SLIT3: variants seen among roughly 807,000 people sequenced by gnomAD.
The protein encoded by SLIT3 is slit guidance ligand 3.
SLIT3 carries 68 observed loss-of-function variants against 184.0 expected under a neutral mutation model. The ratio of observed to expected loss-of-function variants is 0.37; its 90% CI spans 0.30 to 0.45. The LOEUF (loss-of-function observed/expected upper bound fraction) is 0.45, where lower values mean the gene tolerates loss of function less well. Ranked by LOEUF, SLIT3 falls within the 20% of genes least tolerant of loss-of-function variation. The pLI is 1.00. For missense variants in SLIT3, 1,707 were observed against 2,026.0 expected (o/e 0.84, Z 3.02); for synonymous variants, 831 against 828.6 (o/e 1.00, Z -0.05).
intron 19 of SLIT3, 62 bp downstream of exon 19, chr5:168,749,410 T>C: frequency 6.3e-7 from 1 of 1,586,346 alleles, no homozygotes; most frequent in Non-Finnish European, 8.6e-7. Flanking sequence ...ATTGTGCATC[T>C]TCGCCATCTT....
intron 5 of SLIT3, among the ~76,000 whole-genome samples, chr5:168,874,333 C>T (rs925066268): frequency 2.0e-5 from 3 of 152,050 alleles, no homozygotes; most frequent in African/African-American, 7.2e-5. Flanking sequence ...CATGCCCCTT[C>T]ATTCATTCAT....
intron 4 of SLIT3, among the ~76,000 whole-genome samples, chr5:168,949,389 A>T (rs917945600): frequency 2.6e-5 from 4 of 152,196 alleles, no homozygotes; most frequent in Non-Finnish European, 5.9e-5. Context: ...TGTCATACAC[A>T]TGTGGTTCCA....
rs1411419772 is a variant in SLIT3, at chr5:169,011,177, C to T, written c.414-127841G>A. ...AATTGCTTCTGAGTCCCAGCCTGGCCCAGGCTCCAGCATCCCAGAAATGAC... is the reference window on the plus strand; with the variant it reads ...AATTGCTTCTGAGTCCCAGCCTGGCTCAGGCTCCAGCATCCCAGAAATGAC... On this transcript the variant is annotated intron_variant, in intron 4 of 35. Coordinates refer to ENST00000519560, the MANE Select transcript of SLIT3 (RefSeq NM_003062.4). Among the ~76,000 whole-genome samples the T allele has an allele frequency of 1.2e-4, 18 of 152,122 alleles. 2 individuals are homozygous for T. The highest frequency in any genetic ancestry group is 1.2e-3 in the Admixed American group (18 of 15,266).
chr5:168,819,794 C>T (rs1357935958), intron 7 of SLIT3, among the ~76,000 whole-genome samples: 1 of 152,212 alleles, frequency 6.6e-6, no homozygotes, highest in Non-Finnish European at 1.5e-5. Flanking sequence ...CAAGCTATCT[C>T]TCTTCTTAAT....
intron 4 of SLIT3, among the ~76,000 whole-genome samples, chr5:168,902,672 G>A (rs1256459866): frequency 6.6e-6 from 1 of 152,226 alleles, no homozygotes; most frequent in African/African-American, 2.4e-5. Flanking sequence ...AAGCTCTGGG[G>A]TTGGGGCACA....
chr5:169,122,558 A>G lies in SLIT3; in HGVS notation c.413+70921T>C, dbSNP rs970503184. Among the ~76,000 whole-genome samples, 8 of 152,310 alleles carry G rather than the reference A, an allele frequency of 5.3e-5. No homozygotes were observed. In the South Asian group the frequency reaches 1.5e-3, roughly 28 times the overall value. ...CAGGCAGTTCTCTCTGTAAAGCTAT[A>G]TCAGTTTCCCCCCACACAACAAAGG... On this transcript the variant is annotated intron_variant, in intron 4 of 35. Coordinates refer to ENST00000519560, the MANE Select transcript of SLIT3 (RefSeq NM_003062.4).
intron 4 of SLIT3, among the ~76,000 whole-genome samples, chr5:169,088,140 A>G (rs1203751804): frequency 6.6e-6 from 1 of 152,212 alleles, no homozygotes; most frequent in Non-Finnish European, 1.5e-5. Flanking sequence ...GATTCTCTAA[A>G]GTAGGAAACA....
chr5:169,060,950 A>G (rs1243861676), intron 4 of SLIT3, among the ~76,000 whole-genome samples: 3 of 152,170 alleles, frequency 2.0e-5, no homozygotes, highest in Admixed American at 2.0e-4. Flanking sequence ...GTGGGGTCAG[A>G]GTCAACAGGA....
chr5:169,268,672 C>G (rs1256979842), intron 1 of SLIT3, among the ~76,000 whole-genome samples: 1 of 152,166 alleles, frequency 6.6e-6, no homozygotes, highest in Non-Finnish European at 1.5e-5. Context: ...CATTACTACT[C>G]GTGTGTTTTG....
chr5:168,993,080 T>C (rs931903254), intron 4 of SLIT3: 1 of 152,206 alleles, frequency 6.6e-6, no homozygotes, highest in Non-Finnish European at 1.5e-5. Flanking sequence ...TTGGGTCGGC[T>C]CTTTTCAGTT....
At chr5:169,097,991 T>G (rs751826792) in intron 4 of SLIT3, among the ~76,000 whole-genome samples, 1 of 152,164 alleles carries the variant, frequency 6.6e-6, no homozygotes, top group Non-Finnish European at 1.5e-5. Context: ...AAAAAATTTT[T>G]AAAATATACT....
intron 5 of SLIT3, among the ~76,000 whole-genome samples, chr5:168,865,638 T>A (rs1372666630): frequency 6.6e-6 from 1 of 152,208 alleles, no homozygotes; most frequent in African/African-American, 2.4e-5. Flanking sequence ...ACATGGCTAT[T>A]CACTGGTCAA....
intron 4 of SLIT3, among the ~76,000 whole-genome samples, chr5:169,178,927 C>A (rs1192108374): frequency 6.6e-6 from 1 of 152,106 alleles, no homozygotes; most frequent in Non-Finnish European, 1.5e-5. Context: ...TTCTTCGGTG[C>A]AATGTGGGTG....
intron 5 of SLIT3, among the ~76,000 whole-genome samples, chr5:168,872,640 C>CTTTTTTTTTTTTT (rs774066150): frequency 3.6e-5 from 4 of 112,430 alleles, no homozygotes; most frequent in Non-Finnish European, 3.6e-5. Flanking sequence ...TCTTCTTCTT[C>CTTTTTTTTTTTTT]TTTTTTTTTT....
intron 4 of SLIT3, among the ~76,000 whole-genome samples, chr5:169,014,394 A>G (rs1291775037): frequency 6.6e-6 from 1 of 152,238 alleles, no homozygotes; most frequent in Non-Finnish European, 1.5e-5. Context: ...GATGAGAGCC[A>G]GGAAACCTGA....
chr5:169,181,798 A>G (rs1763167110), intron 4 of SLIT3, among the ~76,000 whole-genome samples: 1 of 151,960 alleles, frequency 6.6e-6, no homozygotes, highest in Non-Finnish European at 1.5e-5. Flanking sequence ...TCCACAATAC[A>G]GTTTCACAAA....
At chr5:169,214,644 C>T (rs1212464945) in intron 3 of SLIT3, among the ~76,000 whole-genome samples, 2 of 152,166 alleles carry the variant, frequency 1.3e-5, no homozygotes, top group Non-Finnish European at 2.9e-5. Context: ...CAACATTTAA[C>T]GGAGACTCCC....
At chr5:169,126,294 A>G (rs1253657864) in intron 4 of SLIT3, among the ~76,000 whole-genome samples, 1 of 152,238 alleles carries the variant, frequency 6.6e-6, no homozygotes, top group African/African-American at 2.4e-5. Context: ...ATTTAAATAA[A>G]GAAGAGACAG....
intron 4 of SLIT3, among the ~76,000 whole-genome samples, chr5:168,990,048 T>G (rs1445885649): frequency 6.6e-6 from 1 of 152,200 alleles, no homozygotes; most frequent in Non-Finnish European, 1.5e-5. Context: ...GGCCCTCTTC[T>G]CAGGCCAAGC....
Sources: gnomAD v4.1 joint callset for allele counts (sites outside exome capture counted in the v4.1 genomes callset) on GRCh38, gnomAD v4.1.1 for gene constraint, MANE v1.5 for transcripts, NCBI Gene and HGNC (gene_info 2026-07-23, HGNC 2026-07-21) for gene names.